DLAT: variants seen among roughly 807,000 people sequenced by gnomAD.
The protein encoded by DLAT is dihydrolipoamide S-acetyltransferase, also known as dihydrolipoyllysine-residue acetyltransferase component of pyruvate dehydrogenase complex, mitochondrial.
A neutral mutation model predicts 68.0 loss-of-function variants in DLAT; 43 were observed. The ratio of observed to expected loss-of-function variants is 0.63; its 90% CI spans 0.50 to 0.81. DLAT has a LOEUF of 0.81. Among genes scored for constraint, DLAT ranks in the 40% least tolerant of loss-of-function variants. The probability of loss-of-function intolerance (pLI) is 0.00; values close to 1 mark genes in which losing one functional copy is unlikely to be tolerated. For missense variants in DLAT, 745 were observed against 815.4 expected (o/e 0.91, Z 1.05); for synonymous variants, 265 against 288.6 (o/e 0.92, Z 0.83).
Position 112,061,174 on chromosome 11 carries a change from G to C in DLAT, c.1814G>C (p.Gly605Ala). 6.2e-7 allele frequency: 1 copy of C among 1,614,012 alleles called. No individual in the cohort carries two copies. The highest frequency in any genetic ancestry group is 8.5e-7 in the Non-Finnish European group (1 of 1,180,002). ...DKLVPADNEK[G>A]FDVASMMSVT... ...CTGGTCCCTGCAGATAATGAAAAAG[G>C]GTAAGTGCCAAAATGGAGGGGAAGT... The change falls in exon 13 of 14, where the codon GGG becomes GCG. Residue 605 changes from glycine to alanine, a missense_variant and splice_region_variant. By Grantham distance (60) the Gly-to-Ala change is moderately conservative. Coordinates refer to ENST00000280346, the MANE Select transcript of DLAT (RefSeq NM_001931.5).
intron 5 of DLAT, among the ~76,000 whole-genome samples, chr11:112,035,897 T>G (rs587737489): frequency 4.9e-4 from 73 of 150,186 alleles, no homozygotes; most frequent in Middle Eastern, 3.5e-3. Context: ...TTCAAGCAAT[T>G]CTCCTGCCTC....
chr11:112,032,475 T>G (rs906192785), intron 4 of DLAT: 1 of 152,174 alleles, frequency 6.6e-6, no homozygotes, highest in Admixed American at 6.5e-5. Context: ...TTATTAACTA[T>G]TGTCACCAAA....
Position 112,064,249 on chromosome 11 carries a change from T to C in DLAT, c.*1714T>C. 1 of 1,536,528 alleles carries C rather than the reference T, an allele frequency of 6.5e-7. No individual in the cohort carries two copies. Among genetic ancestry groups the C allele is most frequent in the South Asian group, 1.2e-5 (1 of 81,822 alleles). ...TGAAAAAAAATAAAAACAGTTGCCT[T>C]CTAATAAACATTGTTGAGTTAAAAA... On this transcript the variant is annotated 3_prime_UTR_variant, in exon 14 of 14. Transcript: ENST00000280346.
intron 11 of DLAT, among the ~76,000 whole-genome samples, chr11:112,055,981 C>T (rs1006386524): frequency 3.2e-4 from 47 of 147,794 alleles, no homozygotes; most frequent in African/African-American, 1.1e-3. Context: ...GATTCTCCTG[C>T]CTCAGCCTCC....
chr11:112,041,620 C>T (rs1036938285), intron 7 of DLAT, among the ~76,000 whole-genome samples: 2 of 152,172 alleles, frequency 1.3e-5, no homozygotes, highest in Admixed American at 6.5e-5. Context: ...CAATGGCTCA[C>T]GCCTGTAATC....
rs1169416538 is a variant in DLAT at position 112,058,625 on chromosome 11, T to TGG, written c.1515-1269_1515-1268dup. 7.1e-3 allele frequency among the ~76,000 whole-genome samples: 510 copies of TGG among 71,936 alleles called. 11 individuals are homozygous for TGG. Among genetic ancestry groups the TGG allele is most frequent in the African/African-American group, 0.015 (299 of 19,400 alleles). 47.2% of individuals were successfully genotyped at this position (71,936 alleles called of 152,430 possible). ...CAGTTGGGGTGGGGGAAGGGGGGGG[T>TGG]GGGGGGGGGGAATCACCTTTTTTTT... On this transcript the variant is annotated intron_variant, in intron 11 of 13. Coordinates refer to ENST00000280346, the MANE Select transcript of DLAT (RefSeq NM_001931.5).
At position 112,026,290 on chromosome 11, in the gene DLAT, A is replaced by C. The variant is rs1861999426; in HGVS notation, c.372A>C (p.Leu124=). ...KEGDKINEGD[L]IAEVETDKAT... ...GGGACAAAATCAATGAAGGTGACCT[A>C]ATTGCAGAGGTAAGTTTTTTTTTTT... The change falls in exon 2 of 14, where the codon CTA becomes CTC. Residue 124 remains leucine, a synonymous_variant. Transcript: ENST00000280346. The C allele has an allele frequency of 2.6e-6, 4 of 1,559,566 alleles. No homozygotes were observed. In the South Asian group the frequency reaches 3.7e-5, roughly 14 times the overall value.
rs781792884 is a variant in DLAT at position 112,062,442 on chromosome 11, T to C, written c.1851T>C (p.Ser617=). The change falls in exon 14 of 14, where the codon AGT becomes AGC. Residue 617 remains serine, a synonymous_variant. Transcript: ENST00000280346. ...CTAGCATGATGTCTGTTACACTCAG[T>C]TGTGATCACCGGGTGGTGGATGGAG... is the stretch of plus-strand genomic sequence containing the variant. The part of the protein sequence containing the change: ...DVASMMSVTL[S]CDHRVVDGAV... The C allele has an allele frequency of 2.5e-6, 4 of 1,612,754 alleles. No individual in the cohort carries two copies. Among genetic ancestry groups the C allele is most frequent in the Non-Finnish European group, 1.7e-6 (2 of 1,180,014 alleles).
chr11:112,058,356 G>T (rs1356879997), intron 11 of DLAT, among the ~76,000 whole-genome samples: 1 of 152,134 alleles, frequency 6.6e-6, no homozygotes, highest in African/African-American at 2.4e-5. Flanking sequence ...ATTAGAGCAG[G>T]TTCCTGTGTT....
intron 10 of DLAT, among the ~76,000 whole-genome samples, chr11:112,048,087 C>T (rs1863418836): frequency 6.6e-6 from 1 of 152,192 alleles, no homozygotes; most frequent in Non-Finnish European, 1.5e-5. Context: ...ATTGATTCTT[C>T]CTATGCATGA....
At position 112,041,754 on chromosome 11, in the gene DLAT, C is replaced by T. The variant is rs587706730; in HGVS notation, c.1130-1712C>T. ...AAAATTAGCTGGGCATGGTGGCAGG[C>T]GCCTGTGGTCCCAGCTACTCGGGAG... is the stretch of plus-strand genomic sequence containing the variant. On this transcript the variant is annotated intron_variant, in intron 7 of 13. Transcript: ENST00000280346. 6.6e-4 allele frequency among the ~76,000 whole-genome samples: 101 copies of T among 152,122 alleles called. 2 individuals carry two copies. The South Asian group carries it at 0.015, about 23-fold the overall frequency.
intron 13 of DLAT, chr11:112,061,466 G>T: frequency 2.7e-6 from 1 of 364,530 alleles, no homozygotes; most frequent in Non-Finnish European, 5.0e-6. Flanking sequence ...GGAAATTTGT[G>T]GAATTGTTTA....
Position 112,051,675 on chromosome 11 carries a change from A to G in DLAT, c.1514+326A>G, listed in dbSNP as rs2137823897. 6.6e-6 allele frequency among the ~76,000 whole-genome samples: 1 copy of G among 152,196 alleles called. No homozygotes were observed. Among genetic ancestry groups the G allele is most frequent in the African/African-American group, 2.4e-5 (1 of 41,516 alleles). On this transcript the variant is annotated intron_variant, in intron 11 of 13. Transcript: ENST00000280346. The surrounding 1 kb of genome is among the most constrained non-coding windows in gnomAD (Gnocchi z 4.3). ...GCAATTCTACAGCCTCGGCCTCCCA[A>G]AGTTCTGGGATTTCAGGTGTGAGCC...
At chr11:112,047,332 T>A (rs1176909092) in intron 10 of DLAT, among the ~76,000 whole-genome samples, 3 of 152,228 alleles carry the variant, frequency 2.0e-5, no homozygotes, top group Non-Finnish European at 4.4e-5. Flanking sequence ...TCTTGTAAAT[T>A]TGTTTAAGTT....
Sources: gnomAD v4.1 joint callset for allele counts (sites outside exome capture counted in the v4.1 genomes callset) on GRCh38, gnomAD v4.1.1 for gene constraint, Gnocchi (gnomAD v3.1) non-coding constraint, MANE v1.5 for transcripts, NCBI Gene and HGNC (gene_info 2026-07-23, HGNC 2026-07-21) for gene names.